IL3RA: variants seen among roughly 807,000 people sequenced by gnomAD.
The protein encoded by IL3RA is interleukin-3 receptor subunit alpha.
A neutral mutation model predicts 52.3 loss-of-function variants in IL3RA; 73 were observed. The observed-to-expected ratio is 1.40, with a 90% CI of 1.16 to 1.70. IL3RA has a LOEUF of 1.70. IL3RA is among the 40% of genes most tolerant of loss of function. The pLI is 0.00. For synonymous variants in IL3RA, 260 were observed against 194.0 expected (o/e 1.34, Z -2.83); for missense variants, 664 against 504.4 (o/e 1.32, Z -3.03).
intron 1 of IL3RA, among the ~76,000 whole-genome samples, chrX:1,341,422 GC>G (rs2148873299): frequency 6.6e-6 from 1 of 152,206 alleles, no homozygotes; most frequent in East Asian, 1.9e-4. Flanking sequence ...ACCCGTGTGT[GC>G]ACAGGCATGC....
intron 2 of IL3RA, 137 bp downstream of exon 2, chrX:1,341,966 G>T: frequency 2.2e-6 from 2 of 904,162 alleles, no homozygotes; most frequent in South Asian, 2.9e-5. Context: ...GGTCGGGAAT[G>T]ACTCAGACAC....
chrX:1,356,304 C>G lies in IL3RA; in HGVS notation c.700C>G (p.Arg234Gly), dbSNP rs201273430. 296 of 1,613,128 alleles carry G rather than the reference C, an allele frequency of 1.8e-4. 1 individual carries two copies. In the South Asian group the frequency reaches 2.4e-3, roughly 13 times the overall value. Residue 234 changes from arginine to glycine, a missense_variant, in exon 7 of 12, where the codon CGC (arginine) becomes GGC (glycine). By Grantham distance (125) the Arg-to-Gly change is moderately radical. Coordinates refer to ENST00000331035, the MANE Select transcript of IL3RA (RefSeq NM_002183.4). ...CTGGAAAATGAGAAGTCATTTCAAT[C>G]GCAAATTTCGCTATGAGCTTCAGAT... ...MHWKMRSHFN[R>G]KFRYELQIQK...
intron 9 of IL3RA, among the ~76,000 whole-genome samples, chrX:1,368,269 C>T (rs1211889315): frequency 6.6e-6 from 1 of 151,882 alleles, no homozygotes; most frequent in African/African-American, 2.4e-5. Flanking sequence ...ATCTCAACAA[C>T]AAAACAAAAG....
intron 9 of IL3RA, among the ~76,000 whole-genome samples, chrX:1,367,746 G>C (rs1362236418): frequency 6.7e-4 from 84 of 125,694 alleles, no homozygotes; most frequent in African/African-American, 1.9e-3. Context: ...CGGGGTGCGC[G>C]GGGTGAGCGG....
At chrX:1,357,534 T>C (rs753025574) in intron 7 of IL3RA, among the ~76,000 whole-genome samples, 1 of 151,336 alleles carries the variant, frequency 6.6e-6, no homozygotes, top group Admixed American at 6.6e-5. Context: ...TAATTTTTTT[T>C]TGTATTTTTA....
chrX:1,356,269 C>G lies in IL3RA; in HGVS notation c.665C>G (p.Ser222Cys). ...ACTGCAAAGTGTAATAAGACACATT[C>G]CTTTATGCACTGGAAAATGAGAAGT... ...NMTAKCNKTH[S>C]FMHWKMRSHF... Residue 222 changes from serine to cysteine, a missense_variant, in exon 7 of 12, where the codon TCC becomes TGC. Ser to Cys is a moderately radical substitution (Grantham distance 112). Coordinates refer to ENST00000331035, the MANE Select transcript of IL3RA (RefSeq NM_002183.4). The G allele has an allele frequency of 6.2e-7, 1 of 1,613,666 alleles. No homozygotes were observed. Among genetic ancestry groups the G allele is most frequent in the Non-Finnish European group, 8.5e-7 (1 of 1,179,722 alleles).
At chrX:1,349,481 T>A (rs1457474115) in intron 4 of IL3RA, among the ~76,000 whole-genome samples, 1 of 150,380 alleles carries the variant, frequency 6.6e-6, no homozygotes. Context: ...CGCCCAGCCT[T>A]AAATACTTTT....
intron 8 of IL3RA, among the ~76,000 whole-genome samples, chrX:1,363,865 G>A (rs761763747): frequency 1.1e-4 from 16 of 151,854 alleles, no homozygotes; most frequent in Admixed American, 2.6e-4. Flanking sequence ...AACTACAGGC[G>A]TTTGCCACCA....
intron 9 of IL3RA, among the ~76,000 whole-genome samples, chrX:1,370,202 G>A (rs1226514049): frequency 2.0e-5 from 1 of 49,374 alleles, no homozygotes; most frequent in Non-Finnish European, 3.2e-5. Context: ...CCAGCCTCCA[G>A]GGCTGTGGGA....
intron 11 of IL3RA, among the ~76,000 whole-genome samples, 193 bp downstream of exon 11, chrX:1,381,297 CTGAGGGAGGA>C (rs759226463): frequency 3.1e-3 from 468 of 152,150 alleles, no homozygotes; most frequent in Non-Finnish European, 5.0e-3. Context: ...ACTCGGGAGG[CTGAGGGAGGA>C]GGATCACTTG....
chrX:1,349,873 C>T (rs187170910), intron 4 of IL3RA, among the ~76,000 whole-genome samples: 1,881 of 148,510 alleles, frequency 0.013, 52 homozygotes, highest in African/African-American at 0.044. Flanking sequence ...ATGTTGGTCT[C>T]GAACTCCTGA....
chrX:1,356,980 C>G (rs1202203259), intron 7 of IL3RA, among the ~76,000 whole-genome samples: 4 of 152,222 alleles, frequency 2.6e-5, no homozygotes, highest in East Asian at 1.9e-4. Flanking sequence ...TTGAGCCACT[C>G]TGGCTCTGTA....
Position 1,352,176 on chromosome X carries a change from G to A in IL3RA, c.375G>A (p.Ala125=), listed in dbSNP as rs17880680. ...HDVDFLSCSW[A]VGPGAPADVQ... ...TGGATTTCTTGAGCTGCAGCTGGGCGGTAGGCCCGGGGGCCCCCGCGGACG... is the reference window on the plus strand; with the variant it reads ...TGGATTTCTTGAGCTGCAGCTGGGCAGTAGGCCCGGGGGCCCCCGCGGACG... The change falls in exon 5 of 12, where the codon GCG becomes GCA. Residue 125 remains alanine, a synonymous_variant. Coordinates refer to ENST00000331035, the MANE Select transcript of IL3RA (RefSeq NM_002183.4). The A allele has an allele frequency of 7.8e-4, 1,252 of 1,613,740 alleles. 7 individuals carry two copies. In the African/African-American group the frequency reaches 0.015, roughly 19 times the overall value.
intron 3 of IL3RA, among the ~76,000 whole-genome samples, 173 bp downstream of exon 3, chrX:1,345,607 A>T (rs375156155): frequency 1.3e-5 from 2 of 151,668 alleles, no homozygotes; most frequent in Non-Finnish European, 2.9e-5. Context: ...CTCCTGCCTC[A>T]ACCTCCCGAG....
intron 10 of IL3RA, among the ~76,000 whole-genome samples, chrX:1,379,948 T>C (rs1371232549): frequency 6.6e-6 from 1 of 151,944 alleles, no homozygotes; most frequent in Non-Finnish European, 1.5e-5. Context: ...TTAGTAGAGA[T>C]GGGGTTTCTC....
rs2086726719 is a variant in IL3RA at position 1,356,488 on chromosome X, G to T, written c.732+152G>T. On this transcript the variant is annotated intron_variant, in intron 7 of 11. Transcript: ENST00000331035. ...TTAAAAAACAAAAACAAAAACAAAA[G>T]GCCGGGCGCTGTGGCTCACGCCTGT... 9.7e-6 allele frequency: 6 copies of T among 616,554 alleles called. No individual in the cohort carries two copies. The East Asian group carries it at 1.7e-4, about 17-fold the overall frequency. The allele number at this position is 616,554 out of a possible 1,614,324, so 38.2% of individuals were successfully genotyped here.
At position 1,345,383 on chromosome X, in the gene IL3RA, C is replaced by G. The variant is rs1171643022; in HGVS notation, c.132C>G (p.Asn44Lys). Residue 44 changes from asparagine to lysine, a missense_variant, in exon 3 of 12, where the codon AAC becomes AAG. Coordinates refer to ENST00000331035, the MANE Select transcript of IL3RA (RefSeq NM_002183.4). Reference protein sequence around the residue: ...AKAQQLTWDLNRNVTDIECVK... With the variant: ...AKAQQLTWDLKRNVTDIECVK... ...CTCAGCAGTTGACCTGGGACCTTAA[C>G]AGAAATGTGACCGATATCGAGTGTG... is the stretch of plus-strand genomic sequence containing the variant. 6.2e-7 allele frequency: 1 copy of G among 1,610,966 alleles called. No homozygotes were observed. Among genetic ancestry groups the G allele is most frequent in the Non-Finnish European group, 8.5e-7 (1 of 1,178,148 alleles).
chrX:1,364,290 G>A lies in IL3RA; in HGVS notation c.760-848G>A, dbSNP rs183725427. Among the ~76,000 whole-genome samples, 247 of 151,920 alleles carry A rather than the reference G, an allele frequency of 1.6e-3. 1 individual carries two copies. The highest frequency in any genetic ancestry group is 5.6e-3 in the African/African-American group (233 of 41,464). On this transcript the variant is annotated intron_variant, in intron 8 of 11. Transcript: ENST00000331035. Reference sequence around the variant, plus strand: ...GTGGATCACCGGAGGTTGGGAGTTCGAGACCAGCCTGACCAACATGGAGAA... The same window carrying A: ...GTGGATCACCGGAGGTTGGGAGTTCAAGACCAGCCTGACCAACATGGAGAA...
At chrX:1,360,907 C>T (rs2087236080) in intron 8 of IL3RA, among the ~76,000 whole-genome samples, 1 of 144,536 alleles carries the variant, frequency 6.9e-6, no homozygotes, top group African/African-American at 2.6e-5. Context: ...CCCTCTCTGT[C>T]TCTCTCTCCC....
Sources: gnomAD v4.1 joint callset for allele counts (sites outside exome capture counted in the v4.1 genomes callset) on GRCh38, gnomAD v4.1.1 for gene constraint, MANE v1.5 for transcripts, NCBI Gene and HGNC (gene_info 2026-07-23, HGNC 2026-07-21) for gene names.